MECOM: variants seen among roughly 807,000 people sequenced by gnomAD.
The protein encoded by MECOM is histone-lysine N-methyltransferase MECOM.
MECOM carries 13 observed loss-of-function variants against 116.3 expected under a neutral mutation model. The observed-to-expected ratio is 0.11, with a 90% CI of 0.07 to 0.18. The LOEUF (loss-of-function observed/expected upper bound fraction) is 0.18, where lower values mean the gene tolerates loss of function less well. Ranked by LOEUF, MECOM falls within the 10% of genes least tolerant of loss-of-function variation. The pLI, the probability that MECOM is intolerant of heterozygous loss-of-function variation, is 1.00. For missense variants in MECOM, 1,299 were observed against 1,509.0 expected, an observed-to-expected ratio of 0.86 and a Z score of 2.31; for synonymous variants, 528 against 535.2, an observed-to-expected ratio of 0.99 and a Z score of 0.19.
At chr3:169,305,125 C>T (rs1427195114) in intron 2 of MECOM, among the ~76,000 whole-genome samples, 1 of 152,072 alleles carries the variant, frequency 6.6e-6, no homozygotes, top group Non-Finnish European at 1.5e-5. Flanking sequence ...AGTGAAGGCT[C>T]TTTTGAAAAT....
At chr3:169,353,706 T>C (rs539317632) in intron 2 of MECOM, among the ~76,000 whole-genome samples, 9 of 152,018 alleles carry the variant, frequency 5.9e-5, no homozygotes, top group African/African-American at 1.7e-4. Context: ...GAAGATAACC[T>C]TATTTTTTTC....
chr3:169,502,100 C>T (rs1311899362), intron 1 of MECOM, among the ~76,000 whole-genome samples: 8 of 152,062 alleles, frequency 5.3e-5, no homozygotes. Flanking sequence ...TGTTTTCTCG[C>T]AGGCCAGGAT....
chr3:169,178,633 T>G (rs1254720949), intron 2 of MECOM, among the ~76,000 whole-genome samples: 1 of 152,188 alleles, frequency 6.6e-6, no homozygotes, highest in Non-Finnish European at 1.5e-5. Flanking sequence ...TTGAAAGCAA[T>G]AGTGCCCCCA....
At chr3:169,443,090 C>T (rs1744014524) in intron 1 of MECOM, among the ~76,000 whole-genome samples, 1 of 152,110 alleles carries the variant, frequency 6.6e-6, no homozygotes, top group African/African-American at 2.4e-5. Flanking sequence ...ATGTTTTCTA[C>T]TCATAATATT....
At chr3:169,339,655 G>C (rs754224517) in intron 2 of MECOM, among the ~76,000 whole-genome samples, 1 of 152,016 alleles carries the variant, frequency 6.6e-6, no homozygotes, top group East Asian at 1.9e-4. Flanking sequence ...GCTGATGTGT[G>C]TGTATATTAA....
At chr3:169,221,352 A>AT (rs1315467963) in intron 2 of MECOM, among the ~76,000 whole-genome samples, 1 of 152,208 alleles carries the variant, frequency 6.6e-6, no homozygotes, top group African/African-American at 2.4e-5. Context: ...CTTCGGTAAC[A>AT]TTTTGGAGTA....
At chr3:169,613,354 G>A (rs1051610490) in intron 1 of MECOM, among the ~76,000 whole-genome samples, 1 of 152,048 alleles carries the variant, frequency 6.6e-6, no homozygotes, top group Non-Finnish European at 1.5e-5. Context: ...TTTTAACATC[G>A]GGGCGGAAAT....
At chr3:169,327,027 T>A (rs1460695980) in intron 2 of MECOM, among the ~76,000 whole-genome samples, 4 of 152,180 alleles carry the variant, frequency 2.6e-5, no homozygotes, top group Non-Finnish European at 5.9e-5. Context: ...GACTCAACTC[T>A]TAGATGACAA....
chr3:169,421,463 A>C (rs1182764386), intron 1 of MECOM, among the ~76,000 whole-genome samples: 3 of 152,052 alleles, frequency 2.0e-5, no homozygotes, highest in Non-Finnish European at 4.4e-5. Flanking sequence ...TGGTCAGTGG[A>C]CCATTGGCAG....
chr3:169,340,956 A>G (rs1724403205), intron 2 of MECOM, among the ~76,000 whole-genome samples: 1 of 152,200 alleles, frequency 6.6e-6, no homozygotes, highest in African/African-American at 2.4e-5. Context: ...AAATCTGTCA[A>G]TTATCCAGAT....
chr3:169,476,145 C>T (rs992986317), intron 1 of MECOM, among the ~76,000 whole-genome samples: 1 of 152,132 alleles, frequency 6.6e-6, no homozygotes, highest in East Asian at 1.9e-4. Context: ...ATTAACTCTG[C>T]CAGCCTTCAA....
At chr3:169,247,208 T>C (rs890663796) in intron 2 of MECOM, among the ~76,000 whole-genome samples, 6 of 152,194 alleles carry the variant, frequency 3.9e-5, no homozygotes, top group Non-Finnish European at 8.8e-5. Context: ...TATCATTCAG[T>C]ATTATTTAAA....
chr3:169,122,764 T>C (rs1468835510), intron 5 of MECOM, 37 bp from the exon 6 acceptor site: 2 of 1,605,550 alleles, frequency 1.2e-6, no homozygotes, highest in Non-Finnish European at 1.7e-6. Context: ...AGACAAAGGA[T>C]GCATTCATAA....
In MECOM at chr3:169,381,412, G is replaced by A. The variant is rs1732362655; in HGVS notation, c.150C>T (p.Ala50=). 6.2e-7 allele frequency: 1 copy of A among 1,613,870 alleles called. No homozygotes were observed. Residue 50 remains alanine, a synonymous_variant, in exon 2 of 17, where the codon GCC becomes GCT. Coordinates refer to ENST00000651503, the MANE Select transcript of MECOM (RefSeq NM_004991.4). ...SLNIQEPCSP[A]TSSEAFTPKE... is the part of the protein sequence containing the mutation. ...TTGGAGTGAATGCTTCACTGGATGT[G>A]GCAGGAGAGCATGGCTCTTGAATAT...
At chr3:169,194,328 T>C (rs1214763662) in intron 2 of MECOM, among the ~76,000 whole-genome samples, 1 of 149,764 alleles carries the variant, frequency 6.7e-6, no homozygotes, top group Non-Finnish European at 1.5e-5. Flanking sequence ...GTGGGGGGAG[T>C]AGGGAAGGAT....
intron 2 of MECOM, among the ~76,000 whole-genome samples, chr3:169,252,448 A>G (rs1225062325): frequency 6.6e-6 from 1 of 151,584 alleles, no homozygotes; most frequent in Non-Finnish European, 1.5e-5. Context: ...ATATTAATAA[A>G]GTTCTATGAT....
intron 2 of MECOM, among the ~76,000 whole-genome samples, chr3:169,281,550 C>T (rs1712006951): frequency 6.6e-6 from 1 of 152,126 alleles, no homozygotes; most frequent in Admixed American, 6.6e-5. Flanking sequence ...GTGGCTCATG[C>T]CTGTAATCCC....
At chr3:169,345,420 A>G (rs1007431969) in intron 2 of MECOM, among the ~76,000 whole-genome samples, 14 of 152,164 alleles carry the variant, frequency 9.2e-5, no homozygotes, top group African/African-American at 3.4e-4. Flanking sequence ...CAAACAATAC[A>G]GTTAACTCAC....
chr3:169,386,769 G>A (rs1733391813), intron 1 of MECOM, among the ~76,000 whole-genome samples: 1 of 152,066 alleles, frequency 6.6e-6, no homozygotes, highest in Non-Finnish European at 1.5e-5. Context: ...AAAACTTAGT[G>A]GGTATTGACA....
Sources: gnomAD v4.1 joint callset for allele counts (sites outside exome capture counted in the v4.1 genomes callset) on GRCh38, gnomAD v4.1.1 for gene constraint, MANE v1.5 for transcripts, NCBI Gene and HGNC (gene_info 2026-07-23, HGNC 2026-07-21) for gene names.